Variants in OR14A2 observed in about 807,000 individuals in gnomAD.
OR14A2 encodes olfactory receptor family 14 subfamily A member 2.
For missense variants in OR14A2, 237 were observed against 152.9 expected, an observed-to-expected ratio of 1.55 and a Z score of -2.90; for synonymous variants, 114 against 58.6, an observed-to-expected ratio of 1.95 and a Z score of -4.32.
At chr1:247,740,724 A>G in the OR14A2 span, among the ~76,000 whole-genome samples, 1 of 152,202 alleles carries the variant, frequency 6.6e-6, no homozygotes, top group East Asian at 1.9e-4. Flanking sequence ...GCAGGAGACA[A>G]TCGTCGTATC....
chr1:247,736,092 T>C, the OR14A2 span, among the ~76,000 whole-genome samples: 1 of 151,706 alleles, frequency 6.6e-6, no homozygotes, highest in Non-Finnish European at 1.5e-5. Flanking sequence ...TGAATGTTGC[T>C]TCTGTTGATC....
At chr1:247,726,964 T>C (rs1269630873), upstream of OR14A2, among the ~76,000 whole-genome samples, 4 of 146,988 alleles carry the variant, frequency 2.7e-5, no homozygotes, top group Non-Finnish European at 4.4e-5. Context: ...AGTCAGGTAG[T>C]GTGATGCCTC....
At chr1:247,741,861 C>T in the OR14A2 span, among the ~76,000 whole-genome samples, 4 of 152,190 alleles carry the variant, frequency 2.6e-5, no homozygotes, top group South Asian at 6.2e-4. Context: ...GTTCATTGTA[C>T]TATACCTACG....
chr1:247,741,543 A>G, the OR14A2 span, among the ~76,000 whole-genome samples: 5 of 152,252 alleles, frequency 3.3e-5, no homozygotes, highest in Admixed American at 3.3e-4. Context: ...AACTGAAGGC[A>G]CTGGATAATG....
chr1:247,738,143 T>C, the OR14A2 span, among the ~76,000 whole-genome samples: 9 of 152,106 alleles, frequency 5.9e-5, no homozygotes, highest in Non-Finnish European at 1.3e-4. Context: ...GGATAGTAAA[T>C]TAGAGTATCA....
chr1:247,740,039 G>C, the OR14A2 span, among the ~76,000 whole-genome samples: 19,930 of 152,140 alleles, frequency 0.13, 2,350 homozygotes, highest in African/African-American at 0.32. Flanking sequence ...CTTGACATCT[G>C]TTATTCATGT....
At chr1:247,743,929 G>A in the OR14A2 span, among the ~76,000 whole-genome samples, 1 of 151,972 alleles carries the variant, frequency 6.6e-6, no homozygotes, top group Admixed American at 6.6e-5. Flanking sequence ...ATGTTTAAAA[G>A]CTTTATATTT....
the OR14A2 span, among the ~76,000 whole-genome samples, chr1:247,747,874 A>T: frequency 6.6e-6 from 1 of 152,186 alleles, no homozygotes; most frequent in African/African-American, 2.4e-5. Flanking sequence ...TACTTACAGA[A>T]TTGAATGACT....
the OR14A2 span, among the ~76,000 whole-genome samples, chr1:247,730,621 A>G: frequency 6.6e-6 from 1 of 151,978 alleles, no homozygotes; most frequent in African/African-American, 2.4e-5. Context: ...TTCTAACTCT[A>G]CTTATAATTG....
the OR14A2 span, among the ~76,000 whole-genome samples, chr1:247,744,767 T>C: frequency 6.6e-6 from 1 of 152,182 alleles, no homozygotes; most frequent in East Asian, 1.9e-4. This position sits in a 1 kb window ranked among gnomAD's most constrained non-coding sequence, Gnocchi z 4.3. Flanking sequence ...TGCATAGCCA[T>C]GGGCCAAGGT....
chr1:247,743,422 G>C, the OR14A2 span, among the ~76,000 whole-genome samples: 1 of 152,186 alleles, frequency 6.6e-6, no homozygotes, highest in African/African-American at 2.4e-5. Flanking sequence ...AGCCCAACCA[G>C]AGATTGGCCT....
chr1:247,729,043 A>G (rs1039347981), upstream of OR14A2, among the ~76,000 whole-genome samples: 1 of 152,134 alleles, frequency 6.6e-6, no homozygotes, highest in Admixed American at 6.6e-5. Context: ...ACAATGAGGA[A>G]GACTATTTGC....
chr1:247,723,493 C>T (rs1660253647), exon 1 of OR14A2: 2 of 717,558 alleles, frequency 2.8e-6, no homozygotes, highest in Non-Finnish European at 5.2e-6. Context: ...ACAGGAAATC[C>T]TTAGTAATGA....
chr1:247,739,707 G>A, the OR14A2 span: 5 of 569,014 alleles, frequency 8.8e-6, no homozygotes, highest in African/African-American at 1.9e-5. Context: ...GAAATAGAAA[G>A]CAACTATTTT....
the OR14A2 span, chr1:247,738,848 A>G: frequency 1.3e-6 from 1 of 779,664 alleles, no homozygotes; most frequent in Non-Finnish European, 2.4e-6. Context: ...CAGTCCCCAA[A>G]TCCATCCTCA....
the OR14A2 span, chr1:247,746,999 TTATTTGTAAGCCTAGAAA>T: frequency 6.6e-6 from 1 of 152,260 alleles, no homozygotes; most frequent in Non-Finnish European, 1.5e-5. Context: ...TACATCAAAA[TTATTTGTAAGCCTAGAAA>T]TATTTTCAGA....
chr1:247,744,750 GC>G, the OR14A2 span, among the ~76,000 whole-genome samples: 8 of 152,070 alleles, frequency 5.3e-5, no homozygotes, highest in African/African-American at 1.9e-4. The surrounding 1 kb of genome is among the most constrained non-coding windows in gnomAD (Gnocchi z 4.3). Context: ...CTGCTACATG[GC>G]TATATTGCAT....
chr1:247,744,925 T>C, the OR14A2 span, among the ~76,000 whole-genome samples: 1 of 152,172 alleles, frequency 6.6e-6, no homozygotes, highest in African/African-American at 2.4e-5. This position sits in a 1 kb window ranked among gnomAD's most constrained non-coding sequence, Gnocchi z 4.3. Flanking sequence ...TGTGGAACTA[T>C]AGGGTAATGG....
the OR14A2 span, among the ~76,000 whole-genome samples, chr1:247,737,980 T>C: frequency 6.6e-6 from 1 of 152,232 alleles, no homozygotes; most frequent in Admixed American, 6.5e-5. Flanking sequence ...GAAAACTGAT[T>C]TGTGAAAATA....
Sources: allele counts gnomAD v4.1 joint callset (sites outside exome capture counted in the v4.1 genomes callset), GRCh38; gene constraint gnomAD v4.1.1; non-coding constraint Gnocchi (gnomAD v3.1); transcripts MANE v1.5; gene names NCBI Gene and HGNC (gene_info 2026-07-23, HGNC 2026-07-21).